TSC22D1: variants seen among roughly 807,000 people sequenced by gnomAD.
TSC22D1 encodes the protein TSC22 domain family protein 1.
TSC22D1 carries 9 observed loss-of-function variants against 74.2 expected under a neutral mutation model. The ratio of observed to expected loss-of-function variants is 0.12; its 90% confidence interval spans 0.07 to 0.21. TSC22D1 has a LOEUF of 0.21. Among genes scored for constraint, TSC22D1 ranks in the 10% least tolerant of loss-of-function variants. TSC22D1 has a pLI of 1.00. For synonymous variants in TSC22D1, 586 were observed against 492.5 expected, an observed-to-expected ratio of 1.19 and a Z score of -2.51; for missense variants, 1,427 against 1,304.7, an observed-to-expected ratio of 1.09 and a Z score of -1.44.
intron 1 of TSC22D1, among the ~76,000 whole-genome samples, chr13:44,528,885 A>ATTC (rs1345796457): frequency 5.9e-5 from 9 of 152,112 alleles, no homozygotes; most frequent in Non-Finnish European, 1.3e-4. Flanking sequence ...AAGTTAGATG[A>ATTC]AATGGGCAAA....
chr13:44,442,407 T>G (rs1024245600), intron 1 of TSC22D1, among the ~76,000 whole-genome samples: 2 of 152,206 alleles, frequency 1.3e-5, no homozygotes, highest in Non-Finnish European at 2.9e-5. Context: ...ATATTTCATA[T>G]GTTCAAGAAA....
At position 44,576,091 on chromosome 13, in the gene TSC22D1, G is replaced by A. The variant is rs771558399; in HGVS notation, c.-17C>T. On this transcript the variant is annotated 5_prime_UTR_variant, in exon 1 of 3. Transcript: ENST00000458659. ...CTGGTGCATTGTGTTGGGTACCGGG[G>A]GCGCGGAGGAGACGAGTGCAATTTC... The A allele has an allele frequency of 2.0e-6, 3 of 1,511,870 alleles. No individual in the cohort carries two copies. The highest frequency in any genetic ancestry group is 1.3e-5 in the South Asian group (1 of 79,366). The allele number at this position is 1,511,870 out of a possible 1,614,324, so 93.7% of individuals were successfully genotyped here. A position where few individuals can be genotyped will look rare whatever the true frequency, so the allele number is the denominator to read the frequency against.
chr13:44,567,906 G>A (rs998071745), intron 1 of TSC22D1, among the ~76,000 whole-genome samples: 1 of 151,814 alleles, frequency 6.6e-6, no homozygotes, highest in Admixed American at 6.6e-5. Context: ...CAAAACTTCA[G>A]AACACTGGAA....
At chr13:44,467,635 T>C (rs376102123) in intron 1 of TSC22D1, among the ~76,000 whole-genome samples, 9 of 152,006 alleles carry the variant, frequency 5.9e-5, no homozygotes, top group African/African-American at 1.4e-4. Flanking sequence ...AAGAAACATA[T>C]GGAAAAAATG....
intron 1 of TSC22D1, among the ~76,000 whole-genome samples, chr13:44,543,076 A>G (rs1881579674): frequency 6.6e-6 from 1 of 152,156 alleles, no homozygotes; most frequent in African/African-American, 2.4e-5. Context: ...CATCAATGAA[A>G]TCATTTTAAC....
At chr13:44,518,089 A>T (rs888183930) in intron 1 of TSC22D1, among the ~76,000 whole-genome samples, 3 of 149,810 alleles carry the variant, frequency 2.0e-5, no homozygotes, top group Admixed American at 6.7e-5. Flanking sequence ...CCTGGACTCA[A>T]GTGATCCTCC....
intron 1 of TSC22D1, among the ~76,000 whole-genome samples, chr13:44,551,386 A>ATGGGGGGGTGTG (rs1882242898): frequency 1.1e-5 from 1 of 93,930 alleles, no homozygotes; most frequent in Non-Finnish European, 2.2e-5. Context: ...CCCCAATCAG[A>ATGGGGGGGTGTG]TGGGTGTGTG....
At chr13:44,532,690 G>A (rs1402173873) in intron 1 of TSC22D1, among the ~76,000 whole-genome samples, 1 of 151,770 alleles carries the variant, frequency 6.6e-6, no homozygotes, top group Non-Finnish European at 1.5e-5. Context: ...TAGCCAGGAT[G>A]GTCTCGATCT....
chr13:44,446,817 G>A (rs60386902), intron 1 of TSC22D1, among the ~76,000 whole-genome samples: 1 of 133,546 alleles, frequency 7.5e-6, no homozygotes, highest in Non-Finnish European at 1.6e-5. Context: ...AGGAGGAAGA[G>A]GAGGAGGAAG....
intron 1 of TSC22D1, among the ~76,000 whole-genome samples, chr13:44,443,304 T>C (rs1414762605): frequency 7.0e-6 from 1 of 142,178 alleles, no homozygotes; most frequent in African/African-American, 2.7e-5. Context: ...CATCTTTAAC[T>C]GAAAGAAAAA....
intron 1 of TSC22D1, among the ~76,000 whole-genome samples, chr13:44,551,657 G>C (rs561907071): frequency 6.6e-6 from 1 of 152,300 alleles, no homozygotes; most frequent in Non-Finnish European, 1.5e-5. Context: ...CTAGGCTCAA[G>C]CGATCCACCT....
intron 1 of TSC22D1, among the ~76,000 whole-genome samples, chr13:44,463,408 C>A (rs1032562829): frequency 6.6e-6 from 1 of 152,144 alleles, no homozygotes; most frequent in African/African-American, 2.4e-5. Flanking sequence ...ATAGAAATAG[C>A]AGTTCTAGCT....
chr13:44,450,977 T>C (rs189034643), intron 1 of TSC22D1, among the ~76,000 whole-genome samples: 1 of 152,198 alleles, frequency 6.6e-6, no homozygotes, highest in East Asian at 1.9e-4. Flanking sequence ...CTACAGAAGG[T>C]GGCTAGGCTT....
intron 1 of TSC22D1, among the ~76,000 whole-genome samples, chr13:44,526,983 GA>G (rs1437045511): frequency 4.6e-5 from 7 of 152,114 alleles, no homozygotes; most frequent in African/African-American, 1.7e-4. Context: ...GAGGAACAAG[GA>G]TAAGAATTAC....
At chr13:44,488,998 A>G (rs1878578355) in intron 1 of TSC22D1, among the ~76,000 whole-genome samples, 1 of 152,208 alleles carries the variant, frequency 6.6e-6, no homozygotes, top group Non-Finnish European at 1.5e-5. Flanking sequence ...GAAGAAAGTG[A>G]AGAGACCTTC....
intron 1 of TSC22D1, among the ~76,000 whole-genome samples, chr13:44,505,227 G>C (rs1036380836): frequency 6.6e-6 from 1 of 152,252 alleles, no homozygotes; most frequent in South Asian, 2.1e-4. Flanking sequence ...CCAGGCGCTT[G>C]AGTCAGCCTG....
chr13:44,517,359 CAA>C (rs1491561234), intron 1 of TSC22D1, among the ~76,000 whole-genome samples: 1 of 151,184 alleles, frequency 6.6e-6, no homozygotes, highest in African/African-American at 2.4e-5. Flanking sequence ...CACACACACA[CAA>C]ATGTACTCCT....
At chr13:44,498,703 C>T (rs903476821) in intron 1 of TSC22D1, among the ~76,000 whole-genome samples, 1 of 152,146 alleles carries the variant, frequency 6.6e-6, no homozygotes, top group South Asian at 2.1e-4. Flanking sequence ...TCCACTCATC[C>T]TTCACTACCT....
chr13:44,463,905 G>A (rs1242663315), intron 1 of TSC22D1, among the ~76,000 whole-genome samples: 1 of 152,162 alleles, frequency 6.6e-6, no homozygotes, highest in Admixed American at 6.5e-5. Flanking sequence ...GCTGGCCTAT[G>A]GAGAGTTCCA....
Sources: gnomAD v4.1 joint callset for allele counts (sites outside exome capture counted in the v4.1 genomes callset) on GRCh38, gnomAD v4.1.1 for gene constraint, MANE v1.5 for transcripts, NCBI Gene and HGNC (gene_info 2026-07-23, HGNC 2026-07-21) for gene names.